The following CAMTA1 variants were observed in gnomAD, a reference collection of about 807,000 sequenced individuals.
The protein encoded by CAMTA1 is calmodulin-binding transcription activator 1.
In CAMTA1, 27 loss-of-function variants were observed where a neutral mutation model predicts 170.9. The ratio of observed to expected loss-of-function variants is 0.16; its 90% confidence interval spans 0.12 to 0.22. CAMTA1 has a LOEUF of 0.22. Ranked by LOEUF, CAMTA1 falls within the 10% of genes least tolerant of loss-of-function variation. The pLI is 1.00. For missense variants in CAMTA1, 1,619 were observed against 2,217.2 expected (o/e 0.73, Z 5.42); for synonymous variants, 833 against 891.5 (o/e 0.93, Z 1.17).
intron 5 of CAMTA1, among the ~76,000 whole-genome samples, chr1:7,260,773 G>A (rs561372329): frequency 1.3e-5 from 2 of 152,198 alleles, no homozygotes; most frequent in Non-Finnish European, 2.9e-5. Flanking sequence ...ATTTGTCCAT[G>A]TTTAAGTATT....
rs1050615823 is a variant in CAMTA1 at position 6,990,900 on chromosome 1, T to C, written c.235-100404T>C. Among the ~76,000 whole-genome samples, 38 of 151,908 alleles carry C rather than the reference T, an allele frequency of 2.5e-4. No individual in the cohort carries two copies. The South Asian group carries it at 3.1e-3, about 13-fold the overall frequency. ...GTGGTTTCAAGTGGTTTTGGTTACATGGATTAATTTGGTGAAGGCTGAGAT... is the reference window on the plus strand; with the variant it reads ...GTGGTTTCAAGTGGTTTTGGTTACACGGATTAATTTGGTGAAGGCTGAGAT... On this transcript the variant is annotated intron_variant, in intron 3 of 22. Transcript: ENST00000303635.
rs888366999 is a variant in CAMTA1 at position 7,674,608 on chromosome 1, G to A, written c.2780-2991G>A. 2.6e-5 allele frequency among the ~76,000 whole-genome samples: 4 copies of A among 152,036 alleles called. No individual in the cohort carries two copies. The highest frequency in any genetic ancestry group is 2.1e-4 in the South Asian group (1 of 4,812). On this transcript the variant is annotated intron_variant, in intron 10 of 22. Coordinates refer to ENST00000303635, the MANE Select transcript of CAMTA1 (RefSeq NM_015215.4). The surrounding 1 kb of genome is among the most constrained non-coding windows in gnomAD (Gnocchi z 4.1). ...AGCCTGACCGACATGGTGAAACCCC[G>A]TCTCTACTAAAAATACAAAAATTAG...
intron 3 of CAMTA1, among the ~76,000 whole-genome samples, chr1:6,925,333 C>T (rs1030720484): frequency 2.6e-5 from 4 of 152,238 alleles, no homozygotes; most frequent in East Asian, 3.9e-4. Flanking sequence ...TGGGGTTACA[C>T]GTGTCCTCAC....
Position 7,192,474 on chromosome 1 carries a change from C to T in CAMTA1, c.303-57017C>T, listed in dbSNP as rs150189966. The stretch of plus-strand genomic sequence containing the variant: ...CCGGATAGCCCAGTGGTGGAAATCC[C>T]GTCATTGTAGAAGGGAGGGCCTGGG... On this transcript the variant is annotated intron_variant, in intron 4 of 22. Transcript: ENST00000303635. Among the ~76,000 whole-genome samples, 184 of 152,298 alleles carry T rather than the reference C, an allele frequency of 1.2e-3. 1 individual carries two copies. The highest frequency in any genetic ancestry group is 3.4e-3 in the African/African-American group (141 of 41,564).
Position 6,943,872 on chromosome 1 carries a change from A to G in CAMTA1, c.234+118662A>G, listed in dbSNP as rs112337391. On this transcript the variant is annotated intron_variant, in intron 3 of 22. Transcript: ENST00000303635. ...AAAAAAAAAAAAAAAAAAAAAAGAA[A>G]AAAATACACATAACATAGAATTTTA... 2.1e-5 allele frequency among the ~76,000 whole-genome samples: 3 copies of G among 140,534 alleles called. 1 individual carries two copies. Among genetic ancestry groups the G allele is most frequent in the African/African-American group, 5.3e-5 (2 of 37,994 alleles). 92.2% of individuals were successfully genotyped at this position (140,534 alleles called of 152,430 possible).
chr1:7,153,680 G>A (rs1203911909), intron 4 of CAMTA1, among the ~76,000 whole-genome samples: 1 of 152,168 alleles, frequency 6.6e-6, no homozygotes, highest in South Asian at 2.1e-4. Context: ...GACAGCCAGT[G>A]GGAGGTGATC....
chr1:6,800,123 G>A (rs1214490480), intron 1 of CAMTA1, among the ~76,000 whole-genome samples: 1 of 152,010 alleles, frequency 6.6e-6, no homozygotes. Flanking sequence ...AAAAAACGTA[G>A]GCCGGGTGCT....
In CAMTA1 at chr1:7,041,231, A is replaced by G. The variant is rs1312695276; in HGVS notation, c.235-50073A>G. Among the ~76,000 whole-genome samples, 3 of 152,314 alleles carry G rather than the reference A, an allele frequency of 2.0e-5. No homozygotes were observed. The highest frequency in any genetic ancestry group is 1.9e-4 in the East Asian group (1 of 5,180). On this transcript the variant is annotated intron_variant, in intron 3 of 22. Transcript: ENST00000303635. The surrounding 1 kb of genome is among the most constrained non-coding windows in gnomAD (Gnocchi z 5.1). ...ACACGGCCCCGGAGCTGGAGCTTCT[A>G]CCGAAGGGTTGCCCTCTGTCCCCTT... is the stretch of plus-strand genomic sequence containing the variant.
chr1:7,650,737 A>AT (rs1402698091), intron 7 of CAMTA1, among the ~76,000 whole-genome samples: 2 of 152,132 alleles, frequency 1.3e-5, no homozygotes, highest in African/African-American at 4.8e-5. Flanking sequence ...ATTTCTGAAA[A>AT]TTTTGTCCTC....
rs2095333797 is a variant in CAMTA1 at position 7,589,000 on chromosome 1, T to A, written c.511-51400T>A. 1.3e-5 allele frequency among the ~76,000 whole-genome samples: 2 copies of A among 152,220 alleles called. No individual in the cohort carries two copies. The highest frequency in any genetic ancestry group is 2.9e-5 in the Non-Finnish European group (2 of 68,036). ...TTACCTTCAATCGCTTCTCAGAATT[T>A]TGCGCAGCCAGAAAACCGACTCCCT... On this transcript the variant is annotated intron_variant, in intron 6 of 22. Coordinates refer to ENST00000303635, the MANE Select transcript of CAMTA1 (RefSeq NM_015215.4). This position sits in a 1 kb window ranked among gnomAD's most constrained non-coding sequence, Gnocchi z 5.8.
chr1:6,894,504 A>C (rs141306112), intron 3 of CAMTA1, among the ~76,000 whole-genome samples: 9 of 152,340 alleles, frequency 5.9e-5, no homozygotes, highest in African/African-American at 1.9e-4. Flanking sequence ...AAAGAAATCC[A>C]TCCCTCCCTT....
intron 4 of CAMTA1, among the ~76,000 whole-genome samples, chr1:7,109,239 C>T (rs1334551159): frequency 6.6e-6 from 1 of 152,232 alleles, no homozygotes; most frequent in African/African-American, 2.4e-5. Context: ...GGGGAGCTGA[C>T]CCAAAAGGGT....
chr1:7,643,379 G>T (rs140882157), intron 7 of CAMTA1, among the ~76,000 whole-genome samples: 20 of 152,360 alleles, frequency 1.3e-4, no homozygotes, highest in Non-Finnish European at 2.4e-4. Context: ...AGCCAAGGAG[G>T]TTCTCCCAAG....
intron 3 of CAMTA1, among the ~76,000 whole-genome samples, chr1:6,898,417 G>C (rs1375439403): frequency 6.6e-6 from 1 of 152,182 alleles, no homozygotes; most frequent in Non-Finnish European, 1.5e-5. Context: ...GCTGGGCATG[G>C]TGGCGGGTGC....
At chr1:7,187,270 G>A (rs1206789795) in intron 4 of CAMTA1, among the ~76,000 whole-genome samples, 1 of 152,102 alleles carries the variant, frequency 6.6e-6, no homozygotes. Flanking sequence ...ACTGGTCTAT[G>A]GCAAGATATG....
intron 5 of CAMTA1, among the ~76,000 whole-genome samples, chr1:7,413,921 C>T (rs911012355): frequency 5.3e-5 from 8 of 152,060 alleles, no homozygotes; most frequent in African/African-American, 1.4e-4. Context: ...ATGATTTTGA[C>T]GTACATCCCA....
At position 7,456,812 on chromosome 1, in the gene CAMTA1, C is replaced by T. The variant is rs567404045; in HGVS notation, c.439-11018C>T. Among the ~76,000 whole-genome samples the T allele has an allele frequency of 6.6e-6, 1 of 152,210 alleles. No homozygotes were observed. Among genetic ancestry groups the T allele is most frequent in the Non-Finnish European group, 1.5e-5 (1 of 68,040 alleles). On this transcript the variant is annotated intron_variant, in intron 5 of 22. Transcript: ENST00000303635. The surrounding 1 kb of genome is among the most constrained non-coding windows in gnomAD (Gnocchi z 4.9). ...AGGGGCCCATGTGGGCCTGGCTGAACGTCCTCAGAGGGTGGGAAAACAGGC... is the reference window on the plus strand; with the variant it reads ...AGGGGCCCATGTGGGCCTGGCTGAATGTCCTCAGAGGGTGGGAAAACAGGC...
intron 3 of CAMTA1, among the ~76,000 whole-genome samples, chr1:6,993,743 TA>T (rs1292509182): frequency 6.6e-6 from 1 of 152,208 alleles, no homozygotes; most frequent in African/African-American, 2.4e-5. Flanking sequence ...TCTTTCTATT[TA>T]AAATGTGTTT....
rs138406394 is a variant in CAMTA1, at chr1:7,443,284, A to G, written c.439-24546A>G. Among the ~76,000 whole-genome samples the G allele has an allele frequency of 4.3e-4, 66 of 152,346 alleles. No homozygotes were observed. The highest frequency in any genetic ancestry group is 1.2e-3 in the African/African-American group (50 of 41,578). On this transcript the variant is annotated intron_variant, in intron 5 of 22. Coordinates refer to ENST00000303635, the MANE Select transcript of CAMTA1 (RefSeq NM_015215.4). This position sits in a 1 kb window ranked among gnomAD's most constrained non-coding sequence, Gnocchi z 4.1. Reference sequence around the variant, plus strand: ...GTACAGTCCCCTTGAGGCAGGGACCAGGTCTGTTCTGGTCCCCATCGCATG... The same window carrying G: ...GTACAGTCCCCTTGAGGCAGGGACCGGGTCTGTTCTGGTCCCCATCGCATG...
Sources: gnomAD v4.1 joint callset for allele counts (sites outside exome capture counted in the v4.1 genomes callset) on GRCh38, gnomAD v4.1.1 for gene constraint, Gnocchi (gnomAD v3.1) non-coding constraint, MANE v1.5 for transcripts, NCBI Gene and HGNC (gene_info 2026-07-23, HGNC 2026-07-21) for gene names.